Variants in PARP15 observed in about 807,000 individuals in gnomAD.
PARP15 encodes the protein protein mono-ADP-ribosyltransferase PARP15.
Under a neutral mutation model 62.1 loss-of-function variants are expected in PARP15, and 50 were observed. The ratio of observed to expected loss-of-function variants is 0.81; its 90% CI spans 0.64 to 1.02. The LOEUF is 1.02. PARP15 is among the 50% of genes least tolerant of loss of function. PARP15 has a pLI of 0.00. For synonymous variants in PARP15, 309 were observed against 293.1 expected (o/e 1.05, Z -0.55); for missense variants, 820 against 826.5 (o/e 0.99, Z 0.10).
Position 122,583,114 on chromosome 3 carries a change from C to CTTTTTTT in PARP15, c.186+5278_186+5284dup, listed in dbSNP as rs67942585. On this transcript the variant is annotated intron_variant, in intron 1 of 11. Coordinates refer to ENST00000464300, the MANE Select transcript of PARP15 (RefSeq NM_001113523.3). Reference sequence around the variant, plus strand: ...TGTTTACTAATTCTATCATCTGTATCTTTTTTTTTTTTTTTTTTTTTTTGA... The same window carrying CTTTTTTT: ...TGTTTACTAATTCTATCATCTGTATCTTTTTTTTTTTTTTTTTTTTTTTTTTTTTTGA... Among the ~76,000 whole-genome samples the CTTTTTTT allele has an allele frequency of 1.5e-3, 123 of 83,456 alleles. 1 individual carries two copies. The highest frequency in any genetic ancestry group is 2.5e-3 in the African/African-American group (48 of 18,918). The allele number at this position is 83,456 out of a possible 152,430, so 54.8% of individuals were successfully genotyped here.
At chr3:122,586,483 T>G (rs1201952286) in intron 1 of PARP15, among the ~76,000 whole-genome samples, 1 of 151,840 alleles carries the variant, frequency 6.6e-6, no homozygotes, top group Non-Finnish European at 1.5e-5. Flanking sequence ...GTACTGGGAT[T>G]ACAGGCATGA....
intron 1 of PARP15, among the ~76,000 whole-genome samples, chr3:122,580,007 A>G (rs11707434): frequency 0.21 from 20,158 of 94,190 alleles, 2,404 homozygotes; most frequent in East Asian, 0.39. Flanking sequence ...ATGTATATAT[A>G]TATATATATA....
rs1935894582 is a variant in PARP15 at position 122,615,426 on chromosome 3, C to T, written c.772-353C>T. The T allele has an allele frequency of 4.7e-6, 6 of 1,277,184 alleles. No individual in the cohort carries two copies. In the South Asian group the frequency reaches 7.8e-5, roughly 17 times the overall value. 79.1% of individuals were successfully genotyped at this position (1,277,184 alleles called of 1,614,324 possible). ...TCACCTACAAATACTCTACACTTCC[C>T]TCAGCCTATTGGATGTAGGAGATTA... On this transcript the variant is annotated intron_variant, in intron 4 of 11. Coordinates refer to ENST00000464300, the MANE Select transcript of PARP15 (RefSeq NM_001113523.3).
At chr3:122,612,360 T>G in intron 3 of PARP15, among the ~76,000 whole-genome samples, 1 of 151,456 alleles carries the variant, frequency 6.6e-6, no homozygotes, top group East Asian at 1.9e-4. Context: ...AGGCCCAATA[T>G]TCTCTCTCTT....
chr3:122,610,759 A>G (rs1431825704), intron 3 of PARP15, 29 bp downstream of exon 3: 6 of 1,466,718 alleles, frequency 4.1e-6, no homozygotes, highest in Non-Finnish European at 5.4e-6. Context: ...TCTCCAACGT[A>G]TTGGGTGGCT....
At chr3:122,604,570 T>C (rs1935025448) in intron 1 of PARP15, among the ~76,000 whole-genome samples, 1 of 151,824 alleles carries the variant, frequency 6.6e-6, no homozygotes, top group Non-Finnish European at 1.5e-5. Flanking sequence ...ATACAGAAAG[T>C]AGGGCCGGGT....
intron 1 of PARP15, among the ~76,000 whole-genome samples, chr3:122,596,016 T>A (rs942897152): frequency 1.3e-5 from 2 of 152,008 alleles, no homozygotes; most frequent in Non-Finnish European, 2.9e-5. Flanking sequence ...AACTCCAGTA[T>A]CTATGCTCAT....
intron 1 of PARP15, among the ~76,000 whole-genome samples, chr3:122,587,102 T>TTG (rs914615570): frequency 6.8e-6 from 1 of 147,024 alleles, no homozygotes; most frequent in African/African-American, 2.7e-5. Context: ...TCCTCTGTGT[T>TTG]TGTGTGTGTG....
intron 3 of PARP15, among the ~76,000 whole-genome samples, chr3:122,612,662 G>C (rs1052454786): frequency 6.6e-6 from 1 of 151,874 alleles, no homozygotes; most frequent in African/African-American, 2.4e-5. Context: ...GGATGGTCTC[G>C]ATCTCCTGAC....
At chr3:122,624,426 G>A (rs1191333826) in intron 8 of PARP15, among the ~76,000 whole-genome samples, 1 of 152,134 alleles carries the variant, frequency 6.6e-6, no homozygotes, top group African/African-American at 2.4e-5. Context: ...CATGTTGCAG[G>A]CAGCCTCTCT....
intron 1 of PARP15, among the ~76,000 whole-genome samples, chr3:122,590,702 T>C (rs1237309610): frequency 6.6e-6 from 1 of 152,230 alleles, no homozygotes; most frequent in South Asian, 2.1e-4. Flanking sequence ...TTTGACTCTT[T>C]ATTATGCTAA....
At chr3:122,594,835 C>T in intron 1 of PARP15, 1 of 982,912 alleles carries the variant, frequency 1.0e-6, no homozygotes. Flanking sequence ...CAGACAACAA[C>T]CATTAAGATT....
At chr3:122,601,450 C>T (rs1244196432) in intron 1 of PARP15, among the ~76,000 whole-genome samples, 1 of 152,272 alleles carries the variant, frequency 6.6e-6, no homozygotes, top group East Asian at 1.9e-4. Context: ...TCTCTGGCAA[C>T]CACTCATCTG....
chr3:122,637,689 A>G lies in PARP15; in HGVS notation c.*1589A>G, dbSNP rs896448484. 1.0e-3 allele frequency: 152 copies of G among 152,274 alleles called. No individual in the cohort carries two copies. The highest frequency in any genetic ancestry group is 3.5e-3 in the African/African-American group (146 of 41,558). The allele number at this position is 152,274 out of a possible 1,614,324, so 9.4% of individuals were successfully genotyped here. On this transcript the variant is annotated 3_prime_UTR_variant, in exon 12 of 12. Coordinates refer to ENST00000464300, the MANE Select transcript of PARP15 (RefSeq NM_001113523.3). ...CAGCACTAAGGGAAAACCACTGCCA[A>G]TTTCTCATGTCTCCCTTCCAGTTTC... is the stretch of plus-strand genomic sequence containing the variant.
chr3:122,611,362 C>T (rs912036853), intron 3 of PARP15, among the ~76,000 whole-genome samples: 21 of 152,098 alleles, frequency 1.4e-4, no homozygotes, highest in South Asian at 2.1e-4. Context: ...GACCGAGTTT[C>T]GCTCTGTTGC....
At chr3:122,592,805 T>C (rs1311981643) in intron 1 of PARP15, among the ~76,000 whole-genome samples, 1 of 152,250 alleles carries the variant, frequency 6.6e-6, no homozygotes. Flanking sequence ...TTGCCCAAAG[T>C]CACACATTCA....
intron 1 of PARP15, among the ~76,000 whole-genome samples, chr3:122,583,019 A>G (rs888996524): frequency 7.9e-5 from 12 of 151,502 alleles, no homozygotes; most frequent in South Asian, 2.1e-4. Context: ...GTGTCTGCTA[A>G]GTATGCCCGT....
chr3:122,623,208 T>C (rs543359890), intron 8 of PARP15, among the ~76,000 whole-genome samples: 3 of 152,316 alleles, frequency 2.0e-5, no homozygotes, highest in Non-Finnish European at 4.4e-5. Context: ...CTGGAGCTTC[T>C]CCCACACCAT....
At chr3:122,610,839 T>C (rs924739709) in intron 3 of PARP15, 109 bp downstream of exon 3, 3 of 905,270 alleles carry the variant, frequency 3.3e-6, no homozygotes, top group African/African-American at 1.7e-5. Flanking sequence ...CAGAGGACAG[T>C]TGGGTTGTTA....
Sources: gnomAD v4.1 joint callset for allele counts (sites outside exome capture counted in the v4.1 genomes callset) on GRCh38, gnomAD v4.1.1 for gene constraint, MANE v1.5 for transcripts, NCBI Gene and HGNC (gene_info 2026-07-23, HGNC 2026-07-21) for gene names.